Variants in CCKAR observed in about 807,000 individuals in gnomAD.
The protein encoded by CCKAR is cholecystokinin receptor type A.
Under a neutral mutation model 29.8 loss-of-function variants are expected in CCKAR, and 21 were observed. The observed-to-expected ratio is 0.70, with a 90% CI of 0.50 to 1.01. The LOEUF (loss-of-function observed/expected upper bound fraction) is 1.01. CCKAR is among the 50% of genes least tolerant of loss of function. The pLI is 0.00. For synonymous variants in CCKAR, 238 were observed against 221.3 expected (o/e 1.08, Z -0.67); for missense variants, 570 against 560.6 (o/e 1.02, Z -0.17).
Position 26,481,670 on chromosome 4 carries a change from T to C in CCKAR, c.1255A>G (p.Ser419Gly). The part of the protein sequence containing the change: ...TGASLSRFSY[S>G]HMSASVPPQ ...GGTGGCACCGAGGCACTCATATGGCTGTACGAGAACCTGGACAGAGAGGCT... is the reference window on the plus strand; with the variant it reads ...GGTGGCACCGAGGCACTCATATGGCCGTACGAGAACCTGGACAGAGAGGCT... Residue 419 changes from serine (S) to glycine (G), a missense_variant, in exon 5 of 5, where the codon AGC becomes GGC. Transcript: ENST00000295589. The C allele has an allele frequency of 6.2e-7, 1 of 1,614,202 alleles. No individual in the cohort carries two copies. The highest frequency in any genetic ancestry group is 1.7e-5 in the Admixed American group (1 of 60,032).
intron 4 of CCKAR, among the ~76,000 whole-genome samples, chr4:26,482,585 C>G (rs979980913): frequency 2.0e-5 from 3 of 152,098 alleles, no homozygotes; most frequent in Admixed American, 1.3e-4. Flanking sequence ...ACTCAGTTAT[C>G]TGTGTAGTAG....
At chr4:26,489,606 A>C in intron 1 of CCKAR, 122 bp from the exon 2 acceptor site, 1 of 1,033,412 alleles carries the variant, frequency 9.7e-7, no homozygotes, top group Non-Finnish European at 1.4e-6. Flanking sequence ...CACTGGACCC[A>C]CGATTCCTGT....
Position 26,483,172 on chromosome 4 carries a change from C to T in CCKAR, c.738G>A (p.Gln246=). The change falls in exon 4 of 5, where the codon CAG becomes CAA. Residue 246 remains glutamine (Q), a synonymous_variant. Coordinates refer to ENST00000295589, the MANE Select transcript of CCKAR (RefSeq NM_000730.3). ...GATAGTTACCTTTAGCAGACTTCTT[C>T]TGGCTAGCCTCAAATTTTATTCCCT... ...LYQGIKFEAS[Q]KKSAKERKPS... is the part of the protein sequence containing the mutation. The T allele has an allele frequency of 6.2e-7, 1 of 1,613,728 alleles. No homozygotes were observed. The highest frequency in any genetic ancestry group is 1.1e-5 in the South Asian group (1 of 90,968).
In CCKAR at chr4:26,485,860, T is replaced by C. The variant is rs778060884; in HGVS notation, c.403A>G (p.Ile135Val). ...ATCGCACCATATCTCTCTAGAGATA[T>C]GGCTACCAGATTAAAGGTAGATACA... ...VSVSTFNLVA[I>V]SLERYGAICK... The change falls in exon 3 of 5, where the codon ATA becomes GTA. Residue 135 changes from isoleucine to valine, a missense_variant. Coordinates refer to ENST00000295589, the MANE Select transcript of CCKAR (RefSeq NM_000730.3). 56 of 1,613,736 alleles carry C rather than the reference T, an allele frequency of 3.5e-5. No individual in the cohort carries two copies. The highest frequency in any genetic ancestry group is 4.5e-5 in the Non-Finnish European group (53 of 1,179,898).
chr4:26,488,701 C>T (rs1737494845), intron 2 of CCKAR, among the ~76,000 whole-genome samples: 1 of 152,140 alleles, frequency 6.6e-6, no homozygotes, highest in South Asian at 2.1e-4. Context: ...GGAGAACAGG[C>T]TGGGAAGTGA....
At chr4:26,487,738 C>T (rs562315900) in intron 2 of CCKAR, among the ~76,000 whole-genome samples, 1 of 152,280 alleles carries the variant, frequency 6.6e-6, no homozygotes, top group East Asian at 1.9e-4. Flanking sequence ...AACTCTGTGG[C>T]ACTCACAATG....
rs200488470 is a variant in CCKAR at position 26,490,335 on chromosome 4, A to G, written c.-68T>C. ...TTGCTCACTCCCGGCTCATTCCTCT[A>G]ATGACCGAAGCGTCTCGCAGATGCA... is the stretch of plus-strand genomic sequence containing the variant. On this transcript the variant is annotated 5_prime_UTR_variant, in exon 1 of 5. Transcript: ENST00000295589. 4.3e-3 allele frequency: 4,560 copies of G among 1,071,718 alleles called. 16 individuals carry two copies. The highest frequency in any genetic ancestry group is 8.9e-3 in the Middle Eastern group (39 of 4,368). 66.4% of individuals were successfully genotyped at this position (1,071,718 alleles called of 1,614,324 possible).
chr4:26,485,920 C>A, intron 2 of CCKAR, 22 bp from the exon 3 acceptor site: 1 of 1,605,776 alleles, frequency 6.2e-7, no homozygotes, highest in African/African-American at 1.3e-5. Context: ...ACAAAGAAGC[C>A]GGTTATGTTG....
intron 2 of CCKAR, among the ~76,000 whole-genome samples, chr4:26,487,672 T>C (rs1737474987): frequency 6.6e-6 from 1 of 152,216 alleles, no homozygotes; most frequent in South Asian, 2.1e-4. Flanking sequence ...CAATAAAATA[T>C]TTTTTATGCA....
In CCKAR at chr4:26,481,569, CTCT is replaced by C. The variant is rs1737344000; in HGVS notation, c.*66_*68del. 6.5e-7 allele frequency: 1 copy of C among 1,536,532 alleles called. No individual in the cohort carries two copies. Among genetic ancestry groups the C allele is most frequent in the Non-Finnish European group, 9.0e-7 (1 of 1,112,298 alleles). On this transcript the variant is annotated 3_prime_UTR_variant, in exon 5 of 5. Coordinates refer to ENST00000295589, the MANE Select transcript of CCKAR (RefSeq NM_000730.3). The stretch of plus-strand genomic sequence containing the variant: ...CAGCTCTGCTCCTTCTCTTCCTGAT[CTCT>C]TCTTCCGTTCTTTCTTCTCTGCCTC...
chr4:26,488,182 G>A lies in CCKAR; in HGVS notation c.364+1051C>T, dbSNP rs543531475. Among the ~76,000 whole-genome samples, 10 of 152,202 alleles carry A rather than the reference G, an allele frequency of 6.6e-5. 1 individual carries two copies. The South Asian group carries it at 1.9e-3, about 28-fold the overall frequency. On this transcript the variant is annotated intron_variant, in intron 2 of 4. Transcript: ENST00000295589. ...CTGCCCTTCTCCCAACTAATTCTCA[G>A]AAAGGGCAAGGGACTAGGCAATCTG...
Position 26,489,320 on chromosome 4 carries a change from A to G in CCKAR, c.277T>C (p.Phe93Leu), listed in dbSNP as rs1737508013. The change falls in exon 2 of 5, where the codon TTC becomes CTC. Residue 93 changes from phenylalanine to leucine, a missense_variant. Transcript: ENST00000295589. ...GGGATGAGGTTGAACGGCATGCAGA[A>G]GAGACAGAGCATGAGGTCGCTGACA... ...LAVSDLMLCL[F>L]CMPFNLIPNL... 6.2e-7 allele frequency: 1 copy of G among 1,614,046 alleles called. No individual in the cohort carries two copies. Among genetic ancestry groups the G allele is most frequent in the Admixed American group, 1.7e-5 (1 of 60,010 alleles).
chr4:26,489,483 C>G lies in CCKAR; in HGVS notation c.114G>C (p.Glu38Asp). 6.2e-7 allele frequency: 1 copy of G among 1,613,450 alleles called. No individual in the cohort carries two copies. ...FCLDQPRPSK[E>D]WQPAVQILLY... ...AGAGAATCTGCACCGCTGGCTGCCA[C>G]TCTGCAGAGAGAAACAGGAGCAAGA... The change falls in exon 2 of 5, where the codon GAG becomes GAC. Residue 38 changes from glutamate (E) to aspartate (D), a missense_variant and splice_region_variant. By Grantham distance (45) the Glu-to-Asp change is conservative (BLOSUM62 2). Coordinates refer to ENST00000295589, the MANE Select transcript of CCKAR (RefSeq NM_000730.3).
intron 2 of CCKAR, among the ~76,000 whole-genome samples, chr4:26,486,695 C>T (rs1010134847): frequency 2.0e-5 from 3 of 152,150 alleles, no homozygotes; most frequent in Admixed American, 2.0e-4. Context: ...AGGCAGATCA[C>T]TTGAGGTCAG....
At position 26,489,447 on chromosome 4, in the gene CCKAR, C is replaced by G. The variant is rs200203011; in HGVS notation, c.150G>C (p.Leu50Phe). 17 of 1,613,988 alleles carry G rather than the reference C, an allele frequency of 1.1e-5. No homozygotes were observed. Among genetic ancestry groups the G allele is most frequent in the Admixed American group, 3.3e-5 (2 of 60,002 alleles). ...QPAVQILLYS[L>F]IFLLSVLGNT... ...TTCCCAGCACGCTGAGCAGGAATAT[C>G]AAGGAGTACAAGAGAATCTGCACCG... The change falls in exon 2 of 5, where the codon TTG becomes TTC. Residue 50 changes from leucine to phenylalanine, a missense_variant. Coordinates refer to ENST00000295589, the MANE Select transcript of CCKAR (RefSeq NM_000730.3).
chr4:26,490,008 C>G, intron 1 of CCKAR, 148 bp downstream of exon 1: 1 of 595,196 alleles, frequency 1.7e-6, no homozygotes, highest in Non-Finnish European at 3.0e-6. Context: ...GCTTTTTAAT[C>G]TCTTCTCCAA....
In CCKAR at chr4:26,484,388, T is replaced by C. The variant is rs76136095; in HGVS notation, c.627-1105A>G. 8.6e-3 allele frequency among the ~76,000 whole-genome samples: 1,309 copies of C among 152,350 alleles called. 38 individuals carry two copies. The East Asian group carries it at 0.12, about 13-fold the overall frequency. ...ATCTCAGTTTGGGGCTGTTACTCAA[T>C]GTCTAGTTCCCTGCTTCTAAAACAT... On this transcript the variant is annotated intron_variant, in intron 3 of 4. Coordinates refer to ENST00000295589, the MANE Select transcript of CCKAR (RefSeq NM_000730.3).
chr4:26,483,006 C>T (rs1025274815), intron 4 of CCKAR, 150 bp downstream of exon 4: 3 of 733,192 alleles, frequency 4.1e-6, no homozygotes, highest in African/African-American at 3.5e-5. Context: ...ATACTGGGCC[C>T]GTGACTGTGC....
In CCKAR at chr4:26,481,849, GAC is replaced by G; in HGVS notation, c.1074_1075del (p.Ser359LeufsTer102). 1 of 1,614,008 alleles carries G rather than the reference GAC, an allele frequency of 6.2e-7. No individual in the cohort carries two copies. The highest frequency in any genetic ancestry group is 8.5e-7 in the Non-Finnish European group (1 of 1,179,928). ...GGGGTTGACGCAGGAGGAGGTGTAG[GAC>G]AGGAGGAGGATGAAGGAAATGGGGG... is the stretch of plus-strand genomic sequence containing the variant. On this transcript the variant is annotated frameshift_variant, in exon 5 of 5. Coordinates refer to ENST00000295589, the MANE Select transcript of CCKAR (RefSeq NM_000730.3). LOFTEE classifies it high-confidence loss of function.
Sources: gnomAD v4.1 joint callset for allele counts (sites outside exome capture counted in the v4.1 genomes callset) on GRCh38, gnomAD v4.1.1 for gene constraint, MANE v1.5 for transcripts, NCBI Gene and HGNC (gene_info 2026-07-23, HGNC 2026-07-21) for gene names.